DIAPH3: variants seen among roughly 807,000 people sequenced by gnomAD.
DIAPH3 encodes protein diaphanous homolog 3.
Under a neutral mutation model 144.3 loss-of-function variants are expected in DIAPH3, and 117 were observed. That is an observed-to-expected ratio of 0.81 (90% CI 0.70 to 0.95). The LOEUF (loss-of-function observed/expected upper bound fraction) is 0.95, where lower values mean the gene tolerates loss of function less well. Among genes scored for constraint, DIAPH3 ranks in the 40% least tolerant of loss-of-function variants. The probability of loss-of-function intolerance (pLI) is 0.00; values close to 1 mark genes in which losing one functional copy is unlikely to be tolerated. For synonymous variants in DIAPH3, 519 were observed against 488.9 expected (o/e 1.06, Z -0.81); for missense variants, 1,421 against 1,412.7 (o/e 1.01, Z -0.09).
chr13:60,096,667 A>C (rs1277839489), intron 3 of DIAPH3, among the ~76,000 whole-genome samples: 1 of 152,184 alleles, frequency 6.6e-6, no homozygotes, highest in Non-Finnish European at 1.5e-5. Context: ...TAGAACAAAA[A>C]GGCAGAAGAA....
In DIAPH3 at chr13:59,800,639, T is replaced by C. The variant is rs137897259; in HGVS notation, c.3163+10149A>G. Among the ~76,000 whole-genome samples the C allele has an allele frequency of 3.7e-3, 558 of 152,342 alleles. 4 individuals carry two copies. The highest frequency in any genetic ancestry group is 0.013 in the African/African-American group (529 of 41,588). ...ACTGCAATGCTATTTACCTTAATGA[T>C]AGAATCAATTAGAATACAGTATAAT... On this transcript the variant is annotated intron_variant, in intron 25 of 27. Transcript: ENST00000400324.
intron 2 of DIAPH3, among the ~76,000 whole-genome samples, chr13:60,130,897 C>A (rs1173535343): frequency 1.3e-5 from 2 of 152,062 alleles, no homozygotes; most frequent in Admixed American, 1.3e-4. Context: ...CTAAGAAAGT[C>A]CTCAATGAGG....
Position 59,860,150 on chromosome 13 carries a change from A to C in DIAPH3, c.2737+1257T>G, listed in dbSNP as rs2043495054. ...TTGTCAATAAAGTTCTATAATCCTC[A>C]TTTTATAGAAGAAGAACAATTTAAA... On this transcript the variant is annotated intron_variant, in intron 22 of 27. Transcript: ENST00000400324. Among the ~76,000 whole-genome samples the C allele has an allele frequency of 2.6e-5, 4 of 152,200 alleles. 1 individual carries two copies. The highest frequency in any genetic ancestry group is 2.6e-4 in the Admixed American group (4 of 15,278).
At chr13:60,142,705 A>C (rs11620517) in intron 1 of DIAPH3, among the ~76,000 whole-genome samples, 12 of 152,084 alleles carry the variant, frequency 7.9e-5, no homozygotes, top group Non-Finnish European at 1.2e-4. Context: ...TGCAGTTAAT[A>C]ATCTCTGATT....
chr13:59,877,859 T>C (rs911495858), intron 21 of DIAPH3, among the ~76,000 whole-genome samples: 2 of 152,024 alleles, frequency 1.3e-5, no homozygotes, highest in Non-Finnish European at 2.9e-5. Context: ...TGGAAGCTGC[T>C]GACTCCTGCT....
intron 27 of DIAPH3, among the ~76,000 whole-genome samples, chr13:59,674,399 G>A (rs1267703798): frequency 6.6e-6 from 1 of 152,042 alleles, no homozygotes; most frequent in African/African-American, 2.4e-5. Context: ...TCAGACTCCT[G>A]GTTAACATGC....
chr13:59,774,016 A>G (rs1593813292), intron 27 of DIAPH3, 173 bp downstream of exon 27: 2 of 625,542 alleles, frequency 3.2e-6, no homozygotes, highest in East Asian at 2.9e-5. Flanking sequence ...AGGCAATAAT[A>G]TAAGGATGAA....
chr13:59,991,873 A>G (rs1242879181), intron 11 of DIAPH3, among the ~76,000 whole-genome samples, 195 bp downstream of exon 11: 1 of 152,078 alleles, frequency 6.6e-6, no homozygotes, highest in Non-Finnish European at 1.5e-5. Context: ...TCCATTTGTT[A>G]GTTGCAGCAT....
chr13:60,058,299 TCAC>T (rs1386517633), intron 4 of DIAPH3, among the ~76,000 whole-genome samples: 3 of 151,760 alleles, frequency 2.0e-5, no homozygotes, highest in Admixed American at 6.6e-5. Context: ...AAATTGCTCA[TCAC>T]CAATCATCAT....
chr13:59,896,317 T>C (rs564892840), intron 20 of DIAPH3, among the ~76,000 whole-genome samples: 8 of 152,342 alleles, frequency 5.3e-5, no homozygotes, highest in South Asian at 2.1e-4. Flanking sequence ...GTCTGCTCTA[T>C]AGTGGCTCAT....
At chr13:59,837,643 T>C (rs138526162) in intron 23 of DIAPH3, 3 of 152,232 alleles carry the variant, frequency 2.0e-5, no homozygotes, top group African/African-American at 7.2e-5. Context: ...CATGATAAAA[T>C]TAAGAAAAAA....
At chr13:60,054,723 T>G (rs1200589149) in intron 4 of DIAPH3, among the ~76,000 whole-genome samples, 1 of 151,970 alleles carries the variant, frequency 6.6e-6, no homozygotes, top group East Asian at 1.9e-4. Flanking sequence ...AGAGGGTAAT[T>G]ATAATCTAAA....
chr13:59,987,331 G>C (rs527341814), intron 12 of DIAPH3, among the ~76,000 whole-genome samples: 3 of 151,508 alleles, frequency 2.0e-5, no homozygotes, highest in Non-Finnish European at 4.4e-5. Flanking sequence ...GTGGTGGGGT[G>C]GGGGGAGTGG....
At chr13:59,989,009 C>T (rs1258393987) in intron 12 of DIAPH3, among the ~76,000 whole-genome samples, 1 of 151,818 alleles carries the variant, frequency 6.6e-6, no homozygotes, top group African/African-American at 2.4e-5. Context: ...TTTTTCCATC[C>T]ACCAATTCTT....
chr13:59,968,367 C>T (rs2050171086), intron 17 of DIAPH3, among the ~76,000 whole-genome samples: 1 of 152,128 alleles, frequency 6.6e-6, no homozygotes, highest in Non-Finnish European at 1.5e-5. Flanking sequence ...AACTAATCAA[C>T]TCCAGATTAT....
Position 60,093,712 on chromosome 13 carries a change from T to C in DIAPH3, c.411A>G (p.Glu137=). 1 of 1,610,838 alleles carries C rather than the reference T, an allele frequency of 6.2e-7. No individual in the cohort carries two copies. Among genetic ancestry groups the C allele is most frequent in the South Asian group, 1.1e-5 (1 of 90,996 alleles). Reference sequence around the variant, plus strand: ...TTTCCCGCAATGGTGCCTTTTTATCTTCATTTAAATTCATATCTTCCTGGA... The same window carrying C: ...TTTCCCGCAATGGTGCCTTTTTATCCTCATTTAAATTCATATCTTCCTGGA... ...EKMMEDMNLN[E]DKKAPLREKD... Residue 137 remains glutamate, a synonymous_variant, in exon 4 of 28, where the codon GAA becomes GAG. Transcript: ENST00000400324.
chr13:60,150,952 G>T (rs1295337823), intron 1 of DIAPH3, among the ~76,000 whole-genome samples: 1 of 152,106 alleles, frequency 6.6e-6, no homozygotes, highest in Admixed American at 6.5e-5. Flanking sequence ...AGAAAGAGAG[G>T]CAATGTACAG....
chr13:59,702,684 C>T (rs1444349658), intron 27 of DIAPH3, among the ~76,000 whole-genome samples: 1 of 152,156 alleles, frequency 6.6e-6, no homozygotes, highest in Non-Finnish European at 1.5e-5. Flanking sequence ...GAAGTGAGTA[C>T]ACAAAACATG....
chr13:59,980,575 A>T (rs761318574), intron 14 of DIAPH3, among the ~76,000 whole-genome samples: 1 of 151,630 alleles, frequency 6.6e-6, no homozygotes, highest in Non-Finnish European at 1.5e-5. Flanking sequence ...TGATAAATAC[A>T]TTCAAAGAAA....
Sources: allele counts gnomAD v4.1 joint callset (sites outside exome capture counted in the v4.1 genomes callset), GRCh38; gene constraint gnomAD v4.1.1; transcripts MANE v1.5; gene names NCBI Gene and HGNC (gene_info 2026-07-23, HGNC 2026-07-21).